GRID2: variants seen among roughly 807,000 people sequenced by gnomAD.
The protein encoded by GRID2 is glutamate ionotropic receptor delta type subunit 2, also known as glutamate receptor ionotropic, delta-2.
GRID2 carries 33 observed loss-of-function variants against 114.8 expected under a neutral mutation model. That is an observed-to-expected ratio of 0.29 (90% confidence interval 0.22 to 0.38). GRID2 has a LOEUF of 0.38. Ranked by LOEUF, GRID2 falls within the 10% of genes least tolerant of loss-of-function variation. The probability of loss-of-function intolerance (pLI) is 1.00; values close to 1 mark genes in which losing one functional copy is unlikely to be tolerated. For synonymous variants in GRID2, 505 were observed against 449.9 expected, an observed-to-expected ratio of 1.12 and a Z score of -1.55; for missense variants, 1,184 against 1,257.7, an observed-to-expected ratio of 0.94 and a Z score of 0.89.
exon 2 of GRID2, chr4:93,809,458 T>G (rs1735091697): frequency 6.6e-6 from 1 of 152,178 alleles, no homozygotes; most frequent in South Asian, 2.1e-4. Context: ...AGCATGTATC[T>G]CCAGGAATAA....
intron 2 of GRID2, among the ~76,000 whole-genome samples, chr4:92,894,024 AAAAT>A (rs138984022): frequency 0.041 from 6,182 of 152,220 alleles, 189 homozygotes; most frequent in East Asian, 0.14. Context: ...GGGTACTAAG[AAAAT>A]AAATAACTAC....
chr4:92,706,231 A>G (rs1368390596), intron 2 of GRID2, among the ~76,000 whole-genome samples: 1 of 152,206 alleles, frequency 6.6e-6, no homozygotes, highest in Non-Finnish European at 1.5e-5. Context: ...GAAAGATGTT[A>G]CAGTTCAAGA....
chr4:92,443,674 C>T (rs1328262444), intron 1 of GRID2, among the ~76,000 whole-genome samples: 1 of 151,984 alleles, frequency 6.6e-6, no homozygotes, highest in Non-Finnish European at 1.5e-5. Flanking sequence ...AGTACTTGCC[C>T]TGTGCCCGGA....
chr4:93,366,800 G>A (rs1426870644), intron 8 of GRID2, among the ~76,000 whole-genome samples: 1 of 151,882 alleles, frequency 6.6e-6, no homozygotes, highest in Non-Finnish European at 1.5e-5. Flanking sequence ...CGACGCTTAA[G>A]GAAAATAGAA....
chr4:92,955,481 A>T (rs2149141827), intron 2 of GRID2, among the ~76,000 whole-genome samples: 1 of 151,470 alleles, frequency 6.6e-6, no homozygotes, highest in East Asian at 2.0e-4. Flanking sequence ...TTTTCTTGTA[A>T]ATTTGTTTGA....
chr4:92,749,915 G>T (rs968570885), intron 2 of GRID2, among the ~76,000 whole-genome samples: 2 of 152,106 alleles, frequency 1.3e-5, no homozygotes, highest in African/African-American at 2.4e-5. Context: ...AGGCTGGAGT[G>T]CAATGGTGAG....
intron 6 of GRID2, chr4:93,217,298 A>C (rs1744336833): frequency 6.4e-6 from 1 of 155,702 alleles, no homozygotes; most frequent in Non-Finnish European, 1.4e-5. Context: ...TTTTAAAAAG[A>C]TTGGTCTCCA....
rs1488851068 is a variant in GRID2, at chr4:93,241,220, CAG to C, written c.1245+2732_1245+2733del. On this transcript the variant is annotated intron_variant, in intron 8 of 15. Transcript: ENST00000282020. The stretch of plus-strand genomic sequence containing the variant: ...TGATTTTATATCTAGCACTCTTGCT[CAG>C]ACTTTTAATTCTGATAATTCAACTG... 4.6e-5 allele frequency among the ~76,000 whole-genome samples: 7 copies of C among 151,856 alleles called. No individual in the cohort carries two copies. In the South Asian group the frequency reaches 6.2e-4, roughly 13 times the overall value.
chr4:93,159,693 A>ATTT (rs34480915), intron 4 of GRID2, among the ~76,000 whole-genome samples: 5 of 131,084 alleles, frequency 3.8e-5, no homozygotes, highest in African/African-American at 5.6e-5. Context: ...TTCCATCTGC[A>ATTT]TTTTTTTTTT....
chr4:92,974,886 G>A (rs1326581975), intron 2 of GRID2, among the ~76,000 whole-genome samples: 2 of 151,762 alleles, frequency 1.3e-5, no homozygotes, highest in South Asian at 2.1e-4. Flanking sequence ...GGCCGGGAGC[G>A]GCGGCTCACG....
At position 93,254,746 on chromosome 4, in the gene GRID2, G is replaced by T. The variant is rs1335542204; in HGVS notation, c.1245+16256G>T. ...AAGAGACAGTCTTTTTTAGGATTGT[G>T]GGGGAAATTGCATATTTCTTTCTCT... On this transcript the variant is annotated intron_variant, in intron 8 of 15. Coordinates refer to ENST00000282020, the MANE Select transcript of GRID2 (RefSeq NM_001510.4). Among the ~76,000 whole-genome samples the T allele has an allele frequency of 3.3e-5, 5 of 151,986 alleles. No homozygotes were observed. The East Asian group carries it at 9.7e-4, about 29-fold the overall frequency.
At chr4:93,632,264 T>G (rs1720979658) in intron 14 of GRID2, among the ~76,000 whole-genome samples, 1 of 152,214 alleles carries the variant, frequency 6.6e-6, no homozygotes, top group Non-Finnish European at 1.5e-5. Context: ...CCATTGCTTT[T>G]GGTGTTTTAG....
chr4:92,943,325 C>G (rs1282422772), intron 2 of GRID2, among the ~76,000 whole-genome samples: 1 of 151,828 alleles, frequency 6.6e-6, no homozygotes, highest in Non-Finnish European at 1.5e-5. Context: ...TCATTTCATT[C>G]ATTTCATCTT....
chr4:92,448,980 C>T (rs1477294638), intron 1 of GRID2, among the ~76,000 whole-genome samples: 2 of 151,914 alleles, frequency 1.3e-5, no homozygotes, highest in South Asian at 2.1e-4. Context: ...AATCCCTCTC[C>T]ACAACTAATA....
chr4:92,908,335 A>G (rs917338607), intron 2 of GRID2, among the ~76,000 whole-genome samples: 1 of 152,198 alleles, frequency 6.6e-6, no homozygotes, highest in Non-Finnish European at 1.5e-5. Flanking sequence ...CACTGAGTAC[A>G]CATTATGAGT....
In GRID2 at chr4:92,568,020, A is replaced by C. The variant is rs568300855; in HGVS notation, c.89-22111A>C. Among the ~76,000 whole-genome samples the C allele has an allele frequency of 7.6e-4, 115 of 152,132 alleles. No homozygotes were observed. In the Middle Eastern group the frequency reaches 0.014, roughly 18 times the overall value. On this transcript the variant is annotated intron_variant, in intron 1 of 15. Transcript: ENST00000282020. ...AAGTAAAATAAAGCAGGGATGGCAG[A>C]AAGGGATTGAAGGCAGAGGCTGCAG...
At chr4:92,443,251 A>G (rs1180545017) in intron 1 of GRID2, among the ~76,000 whole-genome samples, 5 of 152,158 alleles carry the variant, frequency 3.3e-5, no homozygotes, top group African/African-American at 1.2e-4. Context: ...ATCTTGCAGG[A>G]TGGAAAAATT....
chr4:93,738,469 G>A (rs1425110236), intron 14 of GRID2, among the ~76,000 whole-genome samples: 1 of 152,126 alleles, frequency 6.6e-6, no homozygotes, highest in Non-Finnish European at 1.5e-5. Flanking sequence ...GCTTGACCCA[G>A]AGCAATGGCT....
chr4:92,813,589 T>A (rs1056087902), intron 2 of GRID2, among the ~76,000 whole-genome samples: 1 of 152,130 alleles, frequency 6.6e-6, no homozygotes, highest in Non-Finnish European at 1.5e-5. Context: ...GTTTTGCTTT[T>A]GAATACATAT....
Sources: gnomAD v4.1 joint callset for allele counts (sites outside exome capture counted in the v4.1 genomes callset) on GRCh38, gnomAD v4.1.1 for gene constraint, MANE v1.5 for transcripts, NCBI Gene and HGNC (gene_info 2026-07-23, HGNC 2026-07-21) for gene names.